The following HTR2C variants were observed in gnomAD, a reference collection of about 807,000 sequenced individuals.
HTR2C encodes 5-hydroxytryptamine (serotonin) receptor 2C, G protein-coupled.
A neutral mutation model predicts 21.0 loss-of-function variants in HTR2C; 5 were observed. The observed-to-expected ratio is 0.24, with a 90% confidence interval of 0.12 to 0.50. The LOEUF (loss-of-function observed/expected upper bound fraction) is 0.50. Among genes scored for constraint, HTR2C ranks in the 20% least tolerant of loss-of-function variants. The pLI is 0.98. For synonymous variants in HTR2C, 150 were observed against 145.3 expected (o/e 1.03, Z -0.23); for missense variants, 271 against 371.2 (o/e 0.73, Z 2.22).
chrX:114,830,268 TC>T (rs1426714502), intron 4 of HTR2C, among the ~76,000 whole-genome samples: 1 of 111,356 alleles, frequency 9.0e-6, no homozygotes, highest in Non-Finnish European at 1.9e-5. Context: ...TGTCCTCTTG[TC>T]CCCTGGGAAG....
chrX:114,660,227 T>C (rs1404088180), intron 2 of HTR2C, among the ~76,000 whole-genome samples: 2 of 112,213 alleles, frequency 1.8e-5, no homozygotes, highest in Admixed American at 9.5e-5. Flanking sequence ...ATGATTTGTT[T>C]AAAGCAAATC....
intron 4 of HTR2C, among the ~76,000 whole-genome samples, chrX:114,824,454 T>A (rs2070661849): frequency 8.9e-6 from 1 of 112,198 alleles, no homozygotes; most frequent in Non-Finnish European, 1.9e-5. Flanking sequence ...TAATTTTCCA[T>A]TTTCACTTTA....
intron 4 of HTR2C, among the ~76,000 whole-genome samples, chrX:114,802,707 T>A (rs1556447271): frequency 1.0e-5 from 1 of 99,551 alleles, no homozygotes; most frequent in African/African-American, 3.7e-5. Flanking sequence ...TCTTTCTTTC[T>A]TTCTTTCTTT....
At chrX:114,709,011 C>A (rs1932852690) in intron 2 of HTR2C, among the ~76,000 whole-genome samples, 2 of 111,716 alleles carry the variant, frequency 1.8e-5, no homozygotes, top group South Asian at 7.4e-4. Flanking sequence ...GCAGTGCTAT[C>A]TTGTGAATCA....
chrX:114,892,002 T>C (rs1254212920), intron 5 of HTR2C, among the ~76,000 whole-genome samples: 2 of 111,304 alleles, frequency 1.8e-5, no homozygotes, highest in Non-Finnish European at 3.8e-5. Flanking sequence ...CATCCTTGCA[T>C]TCTTGGGAAC....
At chrX:114,825,229 T>C (rs1475550934) in intron 4 of HTR2C, among the ~76,000 whole-genome samples, 2 of 111,693 alleles carry the variant, frequency 1.8e-5, no homozygotes, top group Non-Finnish European at 3.8e-5. Flanking sequence ...TGGATTTGAG[T>C]TTTCTTTTCT....
At chrX:114,884,979 C>T (rs782042033) in intron 5 of HTR2C, among the ~76,000 whole-genome samples, 3 of 109,694 alleles carry the variant, frequency 2.7e-5, no homozygotes, top group Admixed American at 9.8e-5. Flanking sequence ...GGAGAATGTG[C>T]GAGGTGCACT....
At chrX:114,725,155 A>G (rs62434719) in intron 2 of HTR2C, among the ~76,000 whole-genome samples, 11,616 of 110,932 alleles carry the variant, frequency 0.1, 615 homozygotes, top group Middle Eastern at 0.22. Flanking sequence ...AGGTACACCA[A>G]TCAGAGGTAG....
Position 114,690,776 on chromosome X carries a change from G to A in HTR2C, c.-79-36082G>A, listed in dbSNP as rs188259933. Among the ~76,000 whole-genome samples, 479 of 111,203 alleles carry A rather than the reference G, an allele frequency of 4.3e-3. 2 individuals are homozygous for A. The highest frequency in any genetic ancestry group is 0.015 in the African/African-American group (446 of 30,713). ...GGATTAAAAACAATAAGCATGCAAT[G>A]TTTTGCTTGATTCATTTAAAGACAA... On this transcript the variant is annotated intron_variant, in intron 2 of 5. Coordinates refer to ENST00000276198, the MANE Select transcript of HTR2C (RefSeq NM_000868.4).
chrX:114,754,088 A>G (rs1363460036), intron 4 of HTR2C, among the ~76,000 whole-genome samples: 1 of 111,015 alleles, frequency 9.0e-6, no homozygotes, highest in Admixed American at 9.6e-5. Context: ...GTCATATTGG[A>G]TTAGGGCCCA....
intron 5 of HTR2C, among the ~76,000 whole-genome samples, chrX:114,884,258 A>T (rs2071203891): frequency 9.0e-6 from 1 of 111,029 alleles, no homozygotes; most frequent in African/African-American, 3.3e-5. Flanking sequence ...TGTCTCTTCA[A>T]CATATTGATT....
chrX:114,868,500 T>C (rs1556475360), intron 5 of HTR2C, among the ~76,000 whole-genome samples: 1 of 111,277 alleles, frequency 9.0e-6, no homozygotes, highest in East Asian at 2.9e-4. Flanking sequence ...CGATTCGTTG[T>C]CTTTAATGGC....
At chrX:114,650,786 A>G (rs893463030) in intron 2 of HTR2C, among the ~76,000 whole-genome samples, 10 of 112,096 alleles carry the variant, frequency 8.9e-5, no homozygotes, top group African/African-American at 2.9e-4. Context: ...AAGAATAATA[A>G]GTAATCAAAA....
intron 2 of HTR2C, among the ~76,000 whole-genome samples, chrX:114,717,081 A>G (rs902736038): frequency 9.1e-6 from 1 of 110,469 alleles, no homozygotes; most frequent in Non-Finnish European, 1.9e-5. Context: ...ATATTCTACA[A>G]TTTCTTTTTT....
At chrX:114,694,674 G>A (rs1932224448) in intron 2 of HTR2C, among the ~76,000 whole-genome samples, 1 of 109,202 alleles carries the variant, frequency 9.2e-6, no homozygotes, top group Non-Finnish European at 1.9e-5. Flanking sequence ...TGTATTTTTA[G>A]TAGAGATGGG....
chrX:114,737,039 G>A (rs1057067662), intron 4 of HTR2C, among the ~76,000 whole-genome samples: 1 of 108,364 alleles, frequency 9.2e-6, no homozygotes, highest in Non-Finnish European at 1.9e-5. Flanking sequence ...AAAAACCAAA[G>A]TATATGAATA....
At chrX:114,857,862 G>T (rs2070975570) in intron 5 of HTR2C, among the ~76,000 whole-genome samples, 1 of 110,902 alleles carries the variant, frequency 9.0e-6, no homozygotes, top group Non-Finnish European at 1.9e-5. Flanking sequence ...TTTAGGTCCA[G>T]GAGCCATCTT....
At chrX:114,839,064 A>G (rs952287847) in intron 4 of HTR2C, among the ~76,000 whole-genome samples, 1 of 112,261 alleles carries the variant, frequency 8.9e-6, no homozygotes, top group Non-Finnish European at 1.9e-5. Context: ...ACAATAATGA[A>G]CTTTTGGTTA....
intron 4 of HTR2C, among the ~76,000 whole-genome samples, chrX:114,789,954 T>C (rs1466024002): frequency 3.6e-5 from 4 of 112,347 alleles, no homozygotes; most frequent in Non-Finnish European, 5.6e-5. Flanking sequence ...TTTTGTTTTA[T>C]TTCCTATCAA....
Sources: allele counts gnomAD v4.1 joint callset (sites outside exome capture counted in the v4.1 genomes callset), GRCh38; gene constraint gnomAD v4.1.1; transcripts MANE v1.5; gene names NCBI Gene and HGNC (gene_info 2026-07-23, HGNC 2026-07-21).